Variants in FILIP1L observed in about 807,000 individuals in gnomAD.
FILIP1L encodes filamin A interacting protein 1 like, also known as filamin A-interacting protein 1-like.
A neutral mutation model predicts 96.6 loss-of-function variants in FILIP1L; 55 were observed. The ratio of observed to expected loss-of-function variants is 0.57; its 90% CI spans 0.46 to 0.71. The LOEUF (loss-of-function observed/expected upper bound fraction) is 0.71, where lower values mean the gene tolerates loss of function less well. Among genes scored for constraint, FILIP1L ranks in the 30% least tolerant of loss-of-function variants. The pLI is 0.00. For missense variants in FILIP1L, 1,304 were observed against 1,321.2 expected, an observed-to-expected ratio of 0.99 and a Z score of 0.20; for synonymous variants, 467 against 473.9, an observed-to-expected ratio of 0.99 and a Z score of 0.19.
At chr3:99,861,899 C>G (rs1007908500) in intron 4 of FILIP1L, among the ~76,000 whole-genome samples, 2 of 152,114 alleles carry the variant, frequency 1.3e-5, no homozygotes, top group East Asian at 3.9e-4. Flanking sequence ...AACCTCCCTA[C>G]AAGTCTCATT....
At chr3:100,078,736 C>G (rs938559682) in intron 1 of FILIP1L, among the ~76,000 whole-genome samples, 1 of 151,986 alleles carries the variant, frequency 6.6e-6, no homozygotes, top group Non-Finnish European at 1.5e-5. Context: ...ACTAAAAATA[C>G]AAAAATTAGC....
At chr3:100,080,132 T>C (rs906773484) in intron 1 of FILIP1L, among the ~76,000 whole-genome samples, 9 of 152,212 alleles carry the variant, frequency 5.9e-5, no homozygotes, top group African/African-American at 2.2e-4. Flanking sequence ...TTTTCTTTAA[T>C]TAATAAAAAA....
intron 1 of FILIP1L, among the ~76,000 whole-genome samples, chr3:99,963,709 C>T (rs567228513): frequency 1.1e-4 from 17 of 152,048 alleles, no homozygotes; most frequent in African/African-American, 4.1e-4. Flanking sequence ...CTCCAGGGTC[C>T]TGGTTCGAGC....
At chr3:99,900,703 G>A (rs564734126) in intron 4 of FILIP1L, among the ~76,000 whole-genome samples, 1 of 152,238 alleles carries the variant, frequency 6.6e-6, no homozygotes, top group South Asian at 2.1e-4. Context: ...TCTTTTCCAC[G>A]CAAGTCTTAA....
At chr3:100,079,857 A>ATTT (rs2065904431) in intron 1 of FILIP1L, among the ~76,000 whole-genome samples, 3 of 152,226 alleles carry the variant, frequency 2.0e-5, no homozygotes, top group Non-Finnish European at 4.4e-5. Context: ...TTATTTAAAA[A>ATTT]ATAACTAACA....
At chr3:99,833,409 C>A in intron 5 of FILIP1L, 1 of 648,798 alleles carries the variant, frequency 1.5e-6, no homozygotes. Flanking sequence ...GGCATTGAGT[C>A]ATAATGAGCA....
At chr3:100,099,818 A>G (rs191909819) in intron 1 of FILIP1L, among the ~76,000 whole-genome samples, 6 of 152,308 alleles carry the variant, frequency 3.9e-5, no homozygotes, top group Admixed American at 3.3e-4. Context: ...GAACCACTTA[A>G]GTATGGTAAA....
chr3:99,917,030 A>C (rs1252520759), intron 4 of FILIP1L, among the ~76,000 whole-genome samples: 1 of 152,244 alleles, frequency 6.6e-6, no homozygotes, highest in South Asian at 2.1e-4. Context: ...ATTCCTCTTT[A>C]TATTTTTTAG....
intron 3 of FILIP1L, among the ~76,000 whole-genome samples, chr3:99,929,419 C>T (rs1707400869): frequency 1.3e-5 from 2 of 152,160 alleles, no homozygotes. Flanking sequence ...TTCAAAATTT[C>T]TATGACATAA....
chr3:100,060,024 G>C (rs1217756335), intron 1 of FILIP1L, among the ~76,000 whole-genome samples: 2 of 151,220 alleles, frequency 1.3e-5, no homozygotes, highest in Non-Finnish European at 2.9e-5. Flanking sequence ...CAGTTTTCCT[G>C]CTGGAGGAGG....
chr3:100,021,960 T>TGTGTGTGTGA (rs1321185364), intron 1 of FILIP1L, among the ~76,000 whole-genome samples: 53 of 93,318 alleles, frequency 5.7e-4, no homozygotes, highest in African/African-American at 1.9e-3. Flanking sequence ...TGTGTGTGTG[T>TGTGTGTGTGA]GAGAGAGAGA....
At chr3:100,073,909 C>T (rs1054124729) in intron 1 of FILIP1L, among the ~76,000 whole-genome samples, 4 of 152,138 alleles carry the variant, frequency 2.6e-5, no homozygotes, top group African/African-American at 9.7e-5. Flanking sequence ...TTTGATTGCC[C>T]ACTGAAGTTT....
At chr3:100,041,828 C>A (rs2065209750) in intron 1 of FILIP1L, among the ~76,000 whole-genome samples, 1 of 152,120 alleles carries the variant, frequency 6.6e-6, no homozygotes, top group East Asian at 1.9e-4. Flanking sequence ...TGATTTATCT[C>A]ACCTTTTTCT....
intron 1 of FILIP1L, among the ~76,000 whole-genome samples, chr3:99,940,127 C>G (rs1235375155): frequency 6.6e-6 from 1 of 152,138 alleles, no homozygotes; most frequent in South Asian, 2.1e-4. Flanking sequence ...AGTGATTTAT[C>G]CAAGTTTTCC....
intron 5 of FILIP1L, among the ~76,000 whole-genome samples, chr3:99,832,961 C>T (rs573589793): frequency 1.4e-5 from 2 of 146,200 alleles, no homozygotes; most frequent in Non-Finnish European, 3.0e-5. Flanking sequence ...TTTTATAGAG[C>T]GTTATGTCAA....
chr3:100,065,769 C>G (rs999820603), intron 1 of FILIP1L, among the ~76,000 whole-genome samples: 3 of 152,282 alleles, frequency 2.0e-5, no homozygotes, highest in Admixed American at 1.3e-4. Flanking sequence ...TATTCAGATT[C>G]AAGGTGGAGA....
At chr3:100,015,362 G>C (rs771061996) in intron 1 of FILIP1L, among the ~76,000 whole-genome samples, 2 of 151,996 alleles carry the variant, frequency 1.3e-5, no homozygotes, top group Non-Finnish European at 2.9e-5. Context: ...CTCGAGATTG[G>C]AGTATTTGAG....
chr3:99,938,792 T>C (rs947616504), intron 1 of FILIP1L, among the ~76,000 whole-genome samples: 1 of 152,010 alleles, frequency 6.6e-6, no homozygotes, highest in Non-Finnish European at 1.5e-5. Context: ...CATGGCCAGA[T>C]TAGGGGAAAA....
At chr3:99,859,548 C>T (rs1209419004) in intron 4 of FILIP1L, among the ~76,000 whole-genome samples, 1 of 152,206 alleles carries the variant, frequency 6.6e-6, no homozygotes, top group Non-Finnish European at 1.5e-5. Flanking sequence ...AAACTGCATA[C>T]ATCACACTCC....
Sources: allele counts gnomAD v4.1 joint callset (sites outside exome capture counted in the v4.1 genomes callset), GRCh38; gene constraint gnomAD v4.1.1; transcripts MANE v1.5; gene names NCBI Gene and HGNC (gene_info 2026-07-23, HGNC 2026-07-21).